KSR2: variants seen among roughly 807,000 people sequenced by gnomAD.
KSR2 encodes the protein kinase suppressor of ras 2.
KSR2 carries 25 observed loss-of-function variants against 107.8 expected under a neutral mutation model. The ratio of observed to expected loss-of-function variants is 0.23; its 90% CI spans 0.17 to 0.32. KSR2 has a LOEUF of 0.32. Ranked by LOEUF, KSR2 falls within the 10% of genes least tolerant of loss-of-function variation. The pLI is 1.00. For synonymous variants in KSR2, 480 were observed against 507.0 expected (o/e 0.95, Z 0.71); for missense variants, 887 against 1,268.9 (o/e 0.70, Z 4.57).
At chr12:117,784,296 G>A (rs906432960) in intron 3 of KSR2, among the ~76,000 whole-genome samples, 7 of 152,126 alleles carry the variant, frequency 4.6e-5, no homozygotes, top group South Asian at 2.1e-4. Context: ...TAAGTCTCAC[G>A]AGATCTGATG....
chr12:117,749,274 T>C, intron 4 of KSR2, among the ~76,000 whole-genome samples: 1 of 151,522 alleles, frequency 6.6e-6, no homozygotes, highest in East Asian at 2.0e-4. Flanking sequence ...TTACCAGCTC[T>C]GAGAAGTGGG....
chr12:117,658,649 G>A (rs931727051), intron 5 of KSR2, among the ~76,000 whole-genome samples: 1 of 152,114 alleles, frequency 6.6e-6, no homozygotes, highest in Non-Finnish European at 1.5e-5. Context: ...AACAAGACAT[G>A]GAAGATAGGG....
chr12:117,927,658 A>G (rs944616000), intron 1 of KSR2, among the ~76,000 whole-genome samples: 2 of 151,840 alleles, frequency 1.3e-5, no homozygotes, highest in Non-Finnish European at 2.9e-5. Flanking sequence ...ACGCTACTGC[A>G]CTCCAACCTG....
Position 117,636,255 on chromosome 12 carries a change from C to T in KSR2, c.1171+31219G>A, listed in dbSNP as rs141022971. Among the ~76,000 whole-genome samples, 526 of 151,392 alleles carry T rather than the reference C, an allele frequency of 3.5e-3. 5 individuals carry two copies. The highest frequency in any genetic ancestry group is 0.012 in the African/African-American group (501 of 41,230). The stretch of plus-strand genomic sequence containing the variant: ...CAAAACAACAAAAAAAGGAAATATC[C>T]GTATATCAATGAAATATCTGCACTC... On this transcript the variant is annotated intron_variant, in intron 5 of 19. Transcript: ENST00000339824.
At chr12:117,791,193 G>T (rs1233114788) in intron 3 of KSR2, among the ~76,000 whole-genome samples, 2 of 151,982 alleles carry the variant, frequency 1.3e-5, no homozygotes, top group South Asian at 4.2e-4. Context: ...TCACCCCAGG[G>T]CCTTGTCACT....
chr12:117,941,480 T>TCTTA (rs1896004014), intron 1 of KSR2, among the ~76,000 whole-genome samples: 1 of 152,178 alleles, frequency 6.6e-6, no homozygotes. Flanking sequence ...GCTTCCAGCC[T>TCTTA]CTTAGCTCAT....
chr12:117,577,334 C>A (rs1007520495), intron 7 of KSR2, among the ~76,000 whole-genome samples: 1 of 147,860 alleles, frequency 6.8e-6, no homozygotes, highest in African/African-American at 2.6e-5. Context: ...TGAAGGGGTA[C>A]GTAATACATG....
intron 4 of KSR2, among the ~76,000 whole-genome samples, chr12:117,726,308 G>A (rs1026275476): frequency 2.6e-5 from 4 of 152,076 alleles, no homozygotes; most frequent in African/African-American, 7.2e-5. Flanking sequence ...AAAAAAAGAT[G>A]TTCACCATAT....
At position 117,794,321 on chromosome 12, in the gene KSR2, ACT is replaced by A. The variant is rs368736457; in HGVS notation, c.473-32799_473-32798del. ...CCAACATGCACACACACCAACATGC[ACT>A]CACACCAACATGCACACTCACACCA... On this transcript the variant is annotated intron_variant, in intron 3 of 19. Transcript: ENST00000339824. 2.0e-3 allele frequency among the ~76,000 whole-genome samples: 214 copies of A among 106,634 alleles called. 43 individuals carry two copies. The highest frequency in any genetic ancestry group is 0.017 in the East Asian group (31 of 1,786). The allele number at this position is 106,634 out of a possible 152,430, so 70.0% of individuals were successfully genotyped here.
intron 1 of KSR2, among the ~76,000 whole-genome samples, chr12:117,937,974 A>G (rs1236929096): frequency 3.3e-5 from 5 of 150,040 alleles, no homozygotes; most frequent in Admixed American, 3.3e-4. Context: ...GTCTCAAGAA[A>G]AAAAAAAAAA....
intron 4 of KSR2, among the ~76,000 whole-genome samples, chr12:117,688,335 C>T (rs141088821): frequency 1.0e-3 from 155 of 152,268 alleles, no homozygotes; most frequent in African/African-American, 3.4e-3. Flanking sequence ...AGCCATCACG[C>T]CACTGCACCC....
At chr12:117,685,627 A>C (rs937583078) in intron 4 of KSR2, among the ~76,000 whole-genome samples, 1 of 152,216 alleles carries the variant, frequency 6.6e-6, no homozygotes, top group Non-Finnish European at 1.5e-5. Context: ...ACAGGGAGTC[A>C]TTTGACTCAC....
intron 5 of KSR2, among the ~76,000 whole-genome samples, chr12:117,662,691 C>T (rs1315171989): frequency 6.6e-6 from 1 of 152,182 alleles, no homozygotes; most frequent in Non-Finnish European, 1.5e-5. Context: ...AGTTCTGGAA[C>T]CATCAGTCAC....
intron 1 of KSR2, among the ~76,000 whole-genome samples, chr12:117,938,215 G>A (rs1038643068): frequency 3.9e-5 from 6 of 152,088 alleles, no homozygotes; most frequent in Non-Finnish European, 7.4e-5. Flanking sequence ...TACCCAGCAC[G>A]GTGCCTGACG....
chr12:117,530,602 C>T (rs1376307604), intron 12 of KSR2, among the ~76,000 whole-genome samples: 1 of 152,080 alleles, frequency 6.6e-6, no homozygotes, highest in Non-Finnish European at 1.5e-5. Context: ...AGCTATCACC[C>T]GGGGAAAGTT....
At chr12:117,489,503 C>T (rs60930801) in intron 14 of KSR2, among the ~76,000 whole-genome samples, 3,768 of 145,484 alleles carry the variant, frequency 0.026, 175 homozygotes, top group African/African-American at 0.092. Context: ...ATGGAGATTA[C>T]ACCACCACAA....
intron 4 of KSR2, among the ~76,000 whole-genome samples, chr12:117,687,092 G>A (rs976763991): frequency 6.6e-6 from 1 of 152,138 alleles, no homozygotes; most frequent in Non-Finnish European, 1.5e-5. Flanking sequence ...CCCTCAAAGC[G>A]GCGATTCTGT....
chr12:117,874,975 A>G (rs1893787180), intron 1 of KSR2, among the ~76,000 whole-genome samples: 1 of 152,144 alleles, frequency 6.6e-6, no homozygotes, highest in Non-Finnish European at 1.5e-5. Context: ...GGTTGCGGAA[A>G]TCCGACGGAG....
chr12:117,795,627 G>T (rs1280630635), intron 3 of KSR2, among the ~76,000 whole-genome samples: 4 of 152,170 alleles, frequency 2.6e-5, no homozygotes, highest in Non-Finnish European at 4.4e-5. Flanking sequence ...ACAGAAGCCT[G>T]TGGTTTTTAT....
Sources: gnomAD v4.1 joint callset for allele counts (sites outside exome capture counted in the v4.1 genomes callset) on GRCh38, gnomAD v4.1.1 for gene constraint, MANE v1.5 for transcripts, NCBI Gene and HGNC (gene_info 2026-07-23, HGNC 2026-07-21) for gene names.